The following C10orf67 variants were observed in gnomAD, a reference collection of about 807,000 sequenced individuals.
The protein encoded by C10orf67 is uncharacterized protein C10orf67, mitochondrial.
A neutral mutation model predicts 35.6 loss-of-function variants in C10orf67; 60 were observed. The observed-to-expected ratio is 1.68, with a 90% CI of 1.37 to 2.09. The LOEUF is 2.09. C10orf67 is among the 30% of genes most tolerant of loss of function. C10orf67 has a pLI of 0.00. For synonymous variants in C10orf67, 167 were observed against 115.8 expected, an observed-to-expected ratio of 1.44 and a Z score of -2.84; for missense variants, 474 against 330.2, an observed-to-expected ratio of 1.44 and a Z score of -3.38.
chr10:23,294,022 C>T (rs1249594005), intron 5 of C10orf67, among the ~76,000 whole-genome samples: 1 of 152,202 alleles, frequency 6.6e-6, no homozygotes, highest in Non-Finnish European at 1.5e-5. Context: ...ACTTTCTGTG[C>T]CTTCTCAGCA....
At chr10:23,202,052 TGTAA>T (rs1330489944), downstream of C10orf67, 1 of 152,262 alleles carries the variant, frequency 6.6e-6, no homozygotes, top group Non-Finnish European at 1.5e-5. Context: ...TCAATGGTGT[TGTAA>T]GTGTGTCTAG....
chr10:23,274,584 A>C (rs1843128123), intron 8 of C10orf67, among the ~76,000 whole-genome samples: 1 of 152,142 alleles, frequency 6.6e-6, no homozygotes, highest in African/African-American at 2.4e-5. Context: ...CCGACCCCGC[A>C]GGCTGTCAGA....
chr10:23,338,349 C>A (rs1845764204), intron 1 of C10orf67, among the ~76,000 whole-genome samples: 1 of 152,158 alleles, frequency 6.6e-6, no homozygotes, highest in Non-Finnish European at 1.5e-5. Context: ...GAGTGTCTAA[C>A]TAGTCAACAG....
rs1164433601 is a variant in C10orf67 at position 23,203,759 on chromosome 10, G to A, written c.*414C>T. ...TCATGACCTACCTTCATGGGGACTA[G>A]TTATTGGGTGAGGAGACAGCAAAAC... On this transcript the variant is annotated 3_prime_UTR_variant, in exon 16 of 16. Transcript: ENST00000636213. The A allele has an allele frequency of 6.5e-6, 1 of 154,626 alleles. No homozygotes were observed. The highest frequency in any genetic ancestry group is 1.4e-5 in the Non-Finnish European group (1 of 69,702). The allele number at this position is 154,626 out of a possible 1,614,324, so 9.6% of individuals were successfully genotyped here. A position where few individuals can be genotyped will look rare whatever the true frequency, so the allele number is the denominator to read the frequency against.
At chr10:23,293,208 A>G (rs1301953275) in intron 5 of C10orf67, among the ~76,000 whole-genome samples, 1 of 152,216 alleles carries the variant, frequency 6.6e-6, no homozygotes, top group Non-Finnish European at 1.5e-5. Context: ...TACGGGTTCT[A>G]AGAATCTCTT....
intron 2 of C10orf67, among the ~76,000 whole-genome samples, chr10:23,329,797 C>CAAAAAAAAAAAAAAAAAAAAAAA (rs398013008): frequency 8.3e-4 from 40 of 48,078 alleles, no homozygotes; most frequent in East Asian, 1.3e-3. Context: ...GAACTTGTCT[C>CAAAAAAAAAAAAAAAAAAAAAAA]AAAAAAAAAA....
intron 15 of C10orf67, among the ~76,000 whole-genome samples, chr10:23,222,269 C>T (rs1841604784): frequency 6.6e-6 from 1 of 152,038 alleles, no homozygotes; most frequent in Non-Finnish European, 1.5e-5. Context: ...TTCAAATGGA[C>T]CTTTGCAAAA....
intron 2 of C10orf67, among the ~76,000 whole-genome samples, chr10:23,328,107 T>C (rs981019873): frequency 1.1e-4 from 16 of 152,320 alleles, no homozygotes; most frequent in South Asian, 4.1e-4. Context: ...TCAAAGTTTG[T>C]AGGAGCTAAA....
At chr10:23,296,695 C>T (rs1317375867) in intron 5 of C10orf67, among the ~76,000 whole-genome samples, 1 of 152,104 alleles carries the variant, frequency 6.6e-6, no homozygotes, top group Non-Finnish European at 1.5e-5. Flanking sequence ...GCAGGCTGGT[C>T]CAGGGGTCTG....
intron 1 of C10orf67, among the ~76,000 whole-genome samples, chr10:23,341,975 C>T (rs1037755596): frequency 1.3e-5 from 2 of 152,048 alleles, no homozygotes; most frequent in Non-Finnish European, 2.9e-5. Context: ...AGTTTGAGAC[C>T]AGCCTGGGCA....
chr10:23,264,105 T>C (rs1229489211), intron 10 of C10orf67, among the ~76,000 whole-genome samples: 1 of 152,194 alleles, frequency 6.6e-6, no homozygotes, highest in Non-Finnish European at 1.5e-5. Flanking sequence ...GTAAACGTTA[T>C]AAAACCCTTT....
chr10:23,209,194 C>G (rs1159889226), intron 15 of C10orf67, among the ~76,000 whole-genome samples: 1 of 152,054 alleles, frequency 6.6e-6, no homozygotes, highest in Non-Finnish European at 1.5e-5. Flanking sequence ...TCTTGAAAGC[C>G]ATAGAGATCT....
chr10:23,221,113 G>T (rs891302267), intron 15 of C10orf67, among the ~76,000 whole-genome samples: 4 of 152,182 alleles, frequency 2.6e-5, no homozygotes, highest in Non-Finnish European at 5.9e-5. Flanking sequence ...GAGAAAAGAG[G>T]TTTAATTGAC....
chr10:23,296,495 C>T (rs778316306), intron 5 of C10orf67, among the ~76,000 whole-genome samples: 4 of 152,164 alleles, frequency 2.6e-5, no homozygotes, highest in Admixed American at 6.5e-5. Context: ...GATTCTTAGT[C>T]GGCCTAGGAA....
At chr10:23,328,537 T>C (rs1050687284) in intron 2 of C10orf67, among the ~76,000 whole-genome samples, 39 of 152,112 alleles carry the variant, frequency 2.6e-4, no homozygotes, top group African/African-American at 9.2e-4. Context: ...AAAATGAATC[T>C]ACATCACACA....
At chr10:23,333,226 T>A (rs2132394740) in intron 1 of C10orf67, 44 bp from the exon 2 acceptor site, 1 of 1,510,636 alleles carries the variant, frequency 6.6e-7, no homozygotes, top group East Asian at 2.3e-5. Context: ...CATAGATATT[T>A]TCTTAGAAAT....
At chr10:23,245,578 A>G (rs1842296804) in intron 12 of C10orf67, among the ~76,000 whole-genome samples, 1 of 152,230 alleles carries the variant, frequency 6.6e-6, no homozygotes, top group Admixed American at 6.5e-5. Context: ...AAGAAGACAC[A>G]CAAATGGCCA....
intron 13 of C10orf67, among the ~76,000 whole-genome samples, chr10:23,238,864 G>T (rs2132135911): frequency 6.6e-6 from 1 of 152,128 alleles, no homozygotes; most frequent in South Asian, 2.1e-4. Context: ...CCTCAGCAAG[G>T]TTACTATATA....
At chr10:23,275,204 C>T (rs1010529513) in intron 8 of C10orf67, among the ~76,000 whole-genome samples, 1 of 152,052 alleles carries the variant, frequency 6.6e-6, no homozygotes, top group African/African-American at 2.4e-5. Context: ...CAAACTGATG[C>T]CAGGTGCAAG....
Sources: allele counts gnomAD v4.1 joint callset (sites outside exome capture counted in the v4.1 genomes callset), GRCh38; gene constraint gnomAD v4.1.1; transcripts MANE v1.5; gene names NCBI Gene and HGNC (gene_info 2026-07-23, HGNC 2026-07-21).